The following ZNF253 variants were observed in gnomAD, a reference collection of about 807,000 sequenced individuals.
The protein encoded by ZNF253 is DNA-binding protein.
ZNF253 carries 8 observed loss-of-function variants against 11.9 expected under a neutral mutation model. The ratio of observed to expected loss-of-function variants is 0.67; its 90% CI spans 0.40 to 1.22. The LOEUF (loss-of-function observed/expected upper bound fraction) is 1.22. Among genes scored for constraint, ZNF253 ranks in the 50% most tolerant of loss-of-function variants. The pLI is 0.01. For synonymous variants in ZNF253, 194 were observed against 194.9 expected (o/e 1.00, Z 0.04); for missense variants, 485 against 586.9 (o/e 0.83, Z 1.79).
intron 1 of ZNF253, chr19:19,870,891 A>C (rs1312673767): frequency 6.6e-6 from 1 of 152,170 alleles, no homozygotes; most frequent in African/African-American, 2.4e-5. Context: ...GCAGCTGTGT[A>C]CTTTGGGTGG....
intron 1 of ZNF253, among the ~76,000 whole-genome samples, chr19:19,871,557 G>T (rs943300854): frequency 6.6e-6 from 1 of 152,216 alleles, no homozygotes; most frequent in Non-Finnish European, 1.5e-5. Flanking sequence ...CTGGCTTCAA[G>T]CTGCTAAACT....
chr19:19,888,350 G>A (rs2060238), intron 3 of ZNF253, among the ~76,000 whole-genome samples: 11,980 of 151,990 alleles, frequency 0.079, 1,112 homozygotes, highest in African/African-American at 0.23. Flanking sequence ...AGGCGTGAGC[G>A]ACTGCGCCTG....
intron 3 of ZNF253, among the ~76,000 whole-genome samples, chr19:19,885,987 TA>T (rs1476898693): frequency 1.3e-5 from 2 of 152,198 alleles, no homozygotes; most frequent in African/African-American, 4.8e-5. Flanking sequence ...TTTAGTCTTT[TA>T]AAATTGTTTT....
chr19:19,886,037 G>A (rs1344656521), intron 3 of ZNF253, among the ~76,000 whole-genome samples: 3 of 152,118 alleles, frequency 2.0e-5, no homozygotes, highest in African/African-American at 7.2e-5. Context: ...CCGTCATCCA[G>A]GCTGGAGTGC....
At chr19:19,889,305 T>C (rs2063219344) in intron 3 of ZNF253, among the ~76,000 whole-genome samples, 1 of 152,108 alleles carries the variant, frequency 6.6e-6, no homozygotes, top group Admixed American at 6.5e-5. Context: ...TGTGTTCCTA[T>C]TTCACTTACT....
At position 19,878,627 on chromosome 19, in the gene ZNF253, A is replaced by G. The variant is rs775764232; in HGVS notation, c.130+20A>G. ...TCCTTGGTGAGGACAACTTGAATAT[A>G]TAATTCATAATATACCCTGAAGATT... On this transcript the variant is annotated intron_variant, in intron 2 of 3. Transcript: ENST00000589717. The G allele has an allele frequency of 6.3e-7, 1 of 1,597,500 alleles. No individual in the cohort carries two copies. Among genetic ancestry groups the G allele is most frequent in the Non-Finnish European group, 8.5e-7 (1 of 1,174,254 alleles).
chr19:19,887,146 G>C (rs1340545574), intron 3 of ZNF253, among the ~76,000 whole-genome samples: 2 of 150,802 alleles, frequency 1.3e-5, no homozygotes, highest in Non-Finnish European at 2.9e-5. Context: ...ACTCAATTGT[G>C]GTTACTATTT....
rs1328006717 is a variant in ZNF253 at position 19,880,113 on chromosome 19, A to G, written c.193A>G (p.Met65Val). ...CLEQGKKPLTMERHEMIAKPP... is the reference protein window; with the variant it reads ...CLEQGKKPLTVERHEMIAKPP... ...GGAGCAAGGAAAAAAACCTTTAACT[A>G]TGGAAAGACATGAGATGATTGCCAA... Residue 65 changes from methionine (M) to valine (V), a missense_variant, in exon 3 of 4, where the codon ATG (methionine) becomes GTG (valine). Met to Val is a conservative substitution (Grantham distance 21, BLOSUM62 1). This residue lies in a region of ZNF253 where 218 missense variants were observed against 213.1 expected (regional missense o/e 1.02). Coordinates refer to ENST00000589717, the MANE Select transcript of ZNF253 (RefSeq NM_021047.3). 21 of 1,609,204 alleles carry G rather than the reference A, an allele frequency of 1.3e-5. No homozygotes were observed. Among genetic ancestry groups the G allele is most frequent in the Middle Eastern group, 1.7e-4 (1 of 6,044 alleles).
At chr19:19,890,332 C>T (rs1045978874) in intron 3 of ZNF253, among the ~76,000 whole-genome samples, 1 of 152,156 alleles carries the variant, frequency 6.6e-6, no homozygotes, top group Non-Finnish European at 1.5e-5. Context: ...TACCTTTAGA[C>T]TCAGCAGACT....
At chr19:19,877,380 C>CTTCT (rs559470656) in intron 1 of ZNF253, among the ~76,000 whole-genome samples, 3 of 145,090 alleles carry the variant, frequency 2.1e-5, no homozygotes, top group African/African-American at 7.6e-5. Context: ...TCTTCTTCTT[C>CTTCT]TTTTTTTTTT....
intron 1 of ZNF253, among the ~76,000 whole-genome samples, chr19:19,868,020 T>C (rs747848440): frequency 2.6e-5 from 4 of 152,008 alleles, no homozygotes; most frequent in African/African-American, 4.8e-5. Flanking sequence ...CTATTCATGT[T>C]TTTTTGGCCT....
At chr19:19,868,163 A>T (rs2063119118) in intron 1 of ZNF253, among the ~76,000 whole-genome samples, 1 of 151,914 alleles carries the variant, frequency 6.6e-6, no homozygotes, top group Non-Finnish European at 1.5e-5. Flanking sequence ...CTCTGTTAAT[A>T]GTTTCCTTTG....
intron 3 of ZNF253, among the ~76,000 whole-genome samples, chr19:19,890,404 T>G (rs1253652201): frequency 1.3e-5 from 2 of 152,058 alleles, no homozygotes; most frequent in Non-Finnish European, 2.9e-5. Context: ...CATTAGCCGG[T>G]GTCTAAAAAA....
chr19:19,885,621 G>C (rs1348795610), intron 3 of ZNF253, among the ~76,000 whole-genome samples: 1 of 151,808 alleles, frequency 6.6e-6, no homozygotes, highest in African/African-American at 2.4e-5. Context: ...TCGATCTCCT[G>C]ACCTCATGAT....
At chr19:19,876,320 C>T (rs1002965461) in intron 1 of ZNF253, among the ~76,000 whole-genome samples, 2 of 142,772 alleles carry the variant, frequency 1.4e-5, no homozygotes, top group Non-Finnish European at 3.1e-5. Context: ...ACAGGCAGTG[C>T]TCTCATTCAT....
At chr19:19,888,491 C>G (rs115328681) in intron 3 of ZNF253, among the ~76,000 whole-genome samples, 1 of 146,800 alleles carries the variant, frequency 6.8e-6, no homozygotes, top group African/African-American at 2.5e-5. Context: ...TTTTGTGTAT[C>G]TAGGCAGGTA....
At chr19:19,879,063 A>T (rs116939191) in intron 2 of ZNF253, among the ~76,000 whole-genome samples, 1,811 of 152,330 alleles carry the variant, frequency 0.012, 17 homozygotes, top group Middle Eastern at 0.031. Flanking sequence ...TTTGCAGTTT[A>T]AAGTCACTGG....
chr19:19,871,271 C>CCT (rs1454571891), intron 1 of ZNF253: 1 of 152,700 alleles, frequency 6.5e-6, no homozygotes, highest in African/African-American at 2.4e-5. Flanking sequence ...AGGCTCTCCT[C>CCT]CTGCAGCTCA....
intron 2 of ZNF253, 126 bp from the exon 3 acceptor site, chr19:19,879,925 T>G (rs2063170352): frequency 5.3e-6 from 2 of 374,114 alleles, no homozygotes; most frequent in African/African-American, 4.3e-5. Context: ...GAAATTTCTG[T>G]TATAAATTAT....
Sources: allele counts gnomAD v4.1 joint callset (sites outside exome capture counted in the v4.1 genomes callset), GRCh38; gene constraint gnomAD v4.1.1; regional missense constraint gnomAD v4.1.1; transcripts MANE v1.5; gene names NCBI Gene and HGNC (gene_info 2026-07-23, HGNC 2026-07-21).